The following IL1A variants were observed in gnomAD, a reference collection of about 807,000 sequenced individuals.
IL1A encodes interleukin 1 alpha, also known as interleukin-1 alpha.
In IL1A, 16 loss-of-function variants were observed where a neutral mutation model predicts 22.2. That is an observed-to-expected ratio of 0.72 (90% CI 0.49 to 1.09). IL1A has a LOEUF of 1.09. IL1A is among the 50% of genes least tolerant of loss of function. The pLI, the probability that IL1A is intolerant of heterozygous loss-of-function variation, is 0.00. For missense variants in IL1A, 317 were observed against 321.8 expected, an observed-to-expected ratio of 0.99 and a Z score of 0.11; for synonymous variants, 113 against 118.5, an observed-to-expected ratio of 0.95 and a Z score of 0.30.
intron 6 of IL1A, 124 bp downstream of exon 6, chr2:112,777,863 G>C (rs1681125771): frequency 2.1e-6 from 2 of 960,214 alleles, no homozygotes; most frequent in South Asian, 3.2e-5. Flanking sequence ...GGGGTGGGCA[G>C]GTGGGGGCTG....
At chr2:112,778,193 GGTGTGTGTGTGT>G (rs3074430) in intron 5 of IL1A, 82 bp from the exon 6 acceptor site, 65 of 662,650 alleles carry the variant, frequency 9.8e-5, no homozygotes, top group African/African-American at 6.1e-4. Context: ...GTGTGTGCAT[GGTGTGTGTGTGT>G]GTGTGTGTGT....
At position 112,779,655 on chromosome 2, in the gene IL1A, G is replaced by A. The variant is rs957699983; in HGVS notation, c.331C>T (p.Pro111Ser). Residue 111 changes from proline to serine, a missense_variant, in exon 5 of 7, where the codon CCT (proline) becomes TCT (serine). Coordinates refer to ENST00000263339, the MANE Select transcript of IL1A (RefSeq NM_000575.5). Reference protein sequence around the residue: ...ANDSEEEIIKPRSAPFSFLSN... With the variant: ...ANDSEEEIIKSRSAPFSFLSN... ...AGGAAGCTAAAAGGTGCTGACCTAG[G>A]CTTGATGATTTCTAAAACCATGATC... is the stretch of plus-strand genomic sequence containing the variant. 32 of 1,600,968 alleles carry A rather than the reference G, an allele frequency of 2.0e-5. No homozygotes were observed. The highest frequency in any genetic ancestry group is 2.4e-5 in the Non-Finnish European group (28 of 1,169,284).
intron 3 of IL1A, 137 bp from the exon 4 acceptor site, chr2:112,781,963 T>G: frequency 1.6e-6 from 1 of 630,732 alleles, no homozygotes; most frequent in Non-Finnish European, 2.8e-6. Context: ...TTCATTAGGC[T>G]TCCCTCCCTC....
intron 4 of IL1A, among the ~76,000 whole-genome samples, chr2:112,780,819 C>T (rs1364302113): frequency 6.6e-6 from 1 of 152,112 alleles, no homozygotes; most frequent in Non-Finnish European, 1.5e-5. Flanking sequence ...GGGTGGATCA[C>T]GAGGAGATGG....
chr2:112,780,848 G>A (rs778960796), intron 4 of IL1A, among the ~76,000 whole-genome samples: 6 of 151,952 alleles, frequency 3.9e-5, no homozygotes, highest in African/African-American at 1.5e-4. Flanking sequence ...GTGAAACTCC[G>A]TCTCTACTAA....
In IL1A at chr2:112,778,090, T is replaced by TA; in HGVS notation, c.511dup (p.Tyr171LeufsTer2). ...TTTAGCATCATCCTTTGATGACTTA[T>TA]AAGCACCCATGTCAAATTTCACTGG... On this transcript the variant is annotated frameshift_variant, in exon 6 of 7. Transcript: ENST00000263339. LOFTEE classifies it high-confidence loss of function. 6.2e-7 allele frequency: 1 copy of TA among 1,613,556 alleles called. No individual in the cohort carries two copies. Among genetic ancestry groups the TA allele is most frequent in the Non-Finnish European group, 8.5e-7 (1 of 1,179,600 alleles).
intron 1 of IL1A, 135 bp from the exon 2 acceptor site, chr2:112,783,913 T>C: frequency 1.3e-6 from 1 of 759,320 alleles, no homozygotes; most frequent in Non-Finnish European, 2.4e-6. Flanking sequence ...TTTCTCCATC[T>C]TCTAGCTCCT....
In IL1A at chr2:112,778,948, G is replaced by A. The variant is rs369936569; in HGVS notation, c.490+548C>T. Reference sequence around the variant, plus strand: ...ATACTGTTGAAACTAAAACATGTCCGCCATGAAAATTGGATGTGTGTGATA... The same window carrying A: ...ATACTGTTGAAACTAAAACATGTCCACCATGAAAATTGGATGTGTGTGATA... On this transcript the variant is annotated intron_variant, in intron 5 of 6. Coordinates refer to ENST00000263339, the MANE Select transcript of IL1A (RefSeq NM_000575.5). Among the ~76,000 whole-genome samples, 13 of 152,114 alleles carry A rather than the reference G, an allele frequency of 8.5e-5. No homozygotes were observed. The East Asian group carries it at 9.6e-4, about 11-fold the overall frequency.
At chr2:112,780,992 C>T (rs543579342) in intron 4 of IL1A, among the ~76,000 whole-genome samples, 1 of 151,742 alleles carries the variant, frequency 6.6e-6, no homozygotes, top group African/African-American at 2.4e-5. Flanking sequence ...TGCACTCCAG[C>T]CTGGGTGACA....
intron 4 of IL1A, among the ~76,000 whole-genome samples, chr2:112,780,969 G>A (rs564191109): frequency 1.4e-3 from 207 of 151,920 alleles, no homozygotes; most frequent in Non-Finnish European, 2.2e-3. Context: ...GCAGTGAGCC[G>A]AGATTGCGCC....
At chr2:112,782,864 C>T in intron 2 of IL1A, 100 bp from the exon 3 acceptor site, 1 of 801,090 alleles carries the variant, frequency 1.2e-6, no homozygotes, top group East Asian at 2.5e-5. Context: ...CACACACATA[C>T]ACATGGCCAT....
chr2:112,777,870 G>A (rs1681125983), intron 6 of IL1A, 117 bp downstream of exon 6: 1 of 1,036,798 alleles, frequency 9.6e-7, no homozygotes, highest in Non-Finnish European at 1.4e-6. Flanking sequence ...GCAGGTGGGG[G>A]CTGTGGTAGG....
chr2:112,782,498 A>G (rs137863055), intron 3 of IL1A, among the ~76,000 whole-genome samples: 534 of 152,318 alleles, frequency 3.5e-3, no homozygotes, highest in African/African-American at 0.012. Flanking sequence ...GTTCTCAGGG[A>G]TTTGGGATGG....
In IL1A at chr2:112,782,716, C is replaced by T. The variant is rs1350937353; in HGVS notation, c.96G>A (p.Gln32=). ...ATGAGAATTACAGTCATTTGCTTAC[C>T]TGATTCAGAGACAGATGATCAATGG... The part of the protein sequence containing the change: ...SSSIDHLSLN[Q]KSFYHVSYGP... The change falls in exon 3 of 7, where the codon CAG becomes CAA. Residue 32 remains glutamine, a splice_region_variant and synonymous_variant. Coordinates refer to ENST00000263339, the MANE Select transcript of IL1A (RefSeq NM_000575.5). 1 of 1,601,380 alleles carries T rather than the reference C, an allele frequency of 6.2e-7. No individual in the cohort carries two copies. Among genetic ancestry groups the T allele is most frequent in the East Asian group, 2.2e-5 (1 of 44,806 alleles).
chr2:112,779,010 T>C (rs542021728), intron 5 of IL1A, among the ~76,000 whole-genome samples: 19 of 152,360 alleles, frequency 1.2e-4, no homozygotes, highest in African/African-American at 4.1e-4. Context: ...CTTTAAGCCA[T>C]ATTTGTAGCT....
At position 112,781,794 on chromosome 2, in the gene IL1A, G is replaced by A. The variant is rs765720593; in HGVS notation, c.129C>T (p.Leu43=). 2.5e-6 allele frequency: 4 copies of A among 1,613,942 alleles called. No homozygotes were observed. Among genetic ancestry groups the A allele is most frequent in the African/African-American group, 1.3e-5 (1 of 75,034 alleles). The change falls in exon 4 of 7, where the codon CTC becomes CTT. Residue 43 remains leucine (L), a synonymous_variant. Coordinates refer to ENST00000263339, the MANE Select transcript of IL1A (RefSeq NM_000575.5). ...KSFYHVSYGP[L]HEGCMDQSVS... Reference sequence around the variant, plus strand: ...CAGATTGATCCATGCAGCCTTCATGGAGTGGGCCATAGCTTACATGATAGA... The same window carrying A: ...CAGATTGATCCATGCAGCCTTCATGAAGTGGGCCATAGCTTACATGATAGA...
intron 6 of IL1A, 88 bp downstream of exon 6, chr2:112,777,899 C>A: frequency 3.7e-6 from 5 of 1,366,160 alleles, no homozygotes; most frequent in South Asian, 2.6e-5. Flanking sequence ...AGGACAGTGT[C>A]ACCTTGTTAG....
intron 1 of IL1A, among the ~76,000 whole-genome samples, chr2:112,784,083 A>C (rs1440843247): frequency 6.6e-6 from 1 of 152,242 alleles, no homozygotes; most frequent in Non-Finnish European, 1.5e-5. Flanking sequence ...ACACCACAAG[A>C]ATAAGGTATT....
chr2:112,781,447 A>G (rs1301682531), intron 4 of IL1A, among the ~76,000 whole-genome samples, 157 bp downstream of exon 4: 1 of 152,224 alleles, frequency 6.6e-6, no homozygotes, highest in Non-Finnish European at 1.5e-5. Context: ...TCCCTCCTGG[A>G]GAAGGATAAA....
Sources: gnomAD v4.1 joint callset for allele counts (sites outside exome capture counted in the v4.1 genomes callset) on GRCh38, gnomAD v4.1.1 for gene constraint, MANE v1.5 for transcripts, NCBI Gene and HGNC (gene_info 2026-07-23, HGNC 2026-07-21) for gene names.